Variants in ASZ1 observed in about 807,000 individuals in gnomAD.
ASZ1 encodes ankyrin repeat, SAM and basic leucine zipper domain containing 1.
A neutral mutation model predicts 61.8 loss-of-function variants in ASZ1; 67 were observed. The ratio of observed to expected loss-of-function variants is 1.08; its 90% CI spans 0.89 to 1.33. The LOEUF is 1.33. ASZ1 is among the 40% of genes most tolerant of loss of function. The pLI, the probability that ASZ1 is intolerant of heterozygous loss-of-function variation, is 0.00. For synonymous variants in ASZ1, 193 were observed against 192.7 expected (o/e 1.00, Z -0.01); for missense variants, 577 against 554.5 (o/e 1.04, Z -0.41).
At chr7:117,420,329 G>A in intron 3 of ASZ1, 55 bp from the exon 4 acceptor site, 8 of 1,283,250 alleles carry the variant, frequency 6.2e-6, no homozygotes, top group East Asian at 2.3e-5. Context: ...GCATCTATTC[G>A]ATGTCTTTAC....
At chr7:117,426,975 ATT>A in intron 1 of ASZ1, 40 bp from the exon 2 acceptor site, 1 of 1,544,182 alleles carries the variant, frequency 6.5e-7, no homozygotes, top group East Asian at 2.3e-5. Context: ...TGTTATATAT[ATT>A]TTTGTTTCCA....
chr7:117,420,967 A>G (rs6947134), intron 3 of ASZ1, among the ~76,000 whole-genome samples: 9,868 of 152,246 alleles, frequency 0.065, 417 homozygotes, highest in Non-Finnish European at 0.1. Flanking sequence ...AACTCTTGTG[A>G]TATCTTAATA....
intron 1 of ASZ1, 59 bp downstream of exon 1, chr7:117,427,297 C>A (rs1797241642): frequency 6.4e-7 from 1 of 1,570,788 alleles, no homozygotes; most frequent in East Asian, 2.2e-5. Flanking sequence ...TGGGCCTCGC[C>A]TTCGAGGGCC....
intron 9 of ASZ1, 111 bp downstream of exon 9, chr7:117,380,897 TAGA>T: frequency 2.2e-6 from 2 of 904,846 alleles, no homozygotes; most frequent in Non-Finnish European, 3.5e-6. Context: ...AAGGACACAG[TAGA>T]AGATCAATCT....
rs1004795019 is a variant in ASZ1, at chr7:117,425,255, A to ATTTTT, written c.205+1580_205+1581insAAAAA. Among the ~76,000 whole-genome samples, 20 of 86,682 alleles carry ATTTTT rather than the reference A, an allele frequency of 2.3e-4. 1 individual carries two copies. The highest frequency in any genetic ancestry group is 5.5e-4 in the African/African-American group (14 of 25,566). 56.9% of individuals were successfully genotyped at this position (86,682 alleles called of 152,430 possible). ...TAAATGCTTGTTATTCCTTTGAGTA[A>ATTTTT]TTTCTTTTTTTTTTTTTTTTTTTTT... On this transcript the variant is annotated intron_variant, in intron 2 of 12. Transcript: ENST00000284629.
chr7:117,363,416 T>C lies in ASZ1; in HGVS notation c.*180A>G. 1 of 425,482 alleles carries C rather than the reference T, an allele frequency of 2.4e-6. No individual in the cohort carries two copies. Among genetic ancestry groups the C allele is most frequent in the Non-Finnish European group, 3.9e-6 (1 of 253,922 alleles). 26.4% of individuals were successfully genotyped at this position (425,482 alleles called of 1,614,324 possible). A position where few individuals can be genotyped will look rare whatever the true frequency, so the allele number is the denominator to read the frequency against. The stretch of plus-strand genomic sequence containing the variant: ...TCACAATTAACATAAACATAACAAA[T>C]TGTATTTATAAGTCAAAGTAACAAA... On this transcript the variant is annotated 3_prime_UTR_variant, in exon 13 of 13. Coordinates refer to ENST00000284629, the MANE Select transcript of ASZ1 (RefSeq NM_130768.3).
intron 10 of ASZ1, 81 bp from the exon 11 acceptor site, chr7:117,368,798 A>G (rs1795993519): frequency 5.7e-6 from 9 of 1,581,338 alleles, no homozygotes; most frequent in South Asian, 3.5e-5. Context: ...GTTACTGAAA[A>G]TCTAGTCATA....
At chr7:117,376,773 C>T (rs138181574) in intron 10 of ASZ1, among the ~76,000 whole-genome samples, 90 of 152,114 alleles carry the variant, frequency 5.9e-4, no homozygotes, top group African/African-American at 2.0e-3. Flanking sequence ...AAATGAATAG[C>T]GCATAACTTC....
chr7:117,420,186 AT>A lies in ASZ1; in HGVS notation c.416del (p.Asn139MetfsTer12), dbSNP rs1489366064. On this transcript the variant is annotated frameshift_variant, in exon 4 of 13. Transcript: ENST00000284629. LOFTEE classifies it high-confidence loss of function. The stretch of plus-strand genomic sequence containing the variant: ...ACCTACAAGCAACATTTGGATCAGC[AT>A]TTCTTGAAAGTAGTAGTTCTACACA... ...LKCVELLLSR[N>X]ADPNVACRRL... 44 of 1,611,254 alleles carry A rather than the reference AT, an allele frequency of 2.7e-5. No individual in the cohort carries two copies. Among genetic ancestry groups the A allele is most frequent in the Non-Finnish European group, 3.6e-5 (42 of 1,179,066 alleles).
intron 10 of ASZ1, among the ~76,000 whole-genome samples, chr7:117,373,979 C>A (rs914921357): frequency 1.1e-4 from 16 of 152,078 alleles, no homozygotes; most frequent in African/African-American, 3.9e-4. Context: ...CAAGTGAAAT[C>A]CTTCACAATG....
In ASZ1 at chr7:117,363,735, C is replaced by A. The variant is rs773227300; in HGVS notation, c.1289G>T (p.Arg430Leu). The change falls in exon 13 of 13, where the codon CGG (arginine) becomes CTG (leucine). Residue 430 changes from arginine to leucine, a missense_variant. Physicochemically the swap from Arg to Leu is moderately radical, Grantham distance 102 (BLOSUM62 -2). Transcript: ENST00000284629. The part of the protein sequence containing the change: ...KDLIQKLQNE[R>L]ENDPTHIQLR... Reference sequence around the variant, plus strand: ...TTGTATATGAGTTGGATCATTTTCCCGTTCATTTTGCAACTAATATTTAGT... The same window carrying A: ...TTGTATATGAGTTGGATCATTTTCCAGTTCATTTTGCAACTAATATTTAGT... 2 of 1,568,736 alleles carry A rather than the reference C, an allele frequency of 1.3e-6. No homozygotes were observed. Among genetic ancestry groups the A allele is most frequent in the Non-Finnish European group, 1.7e-6 (2 of 1,158,446 alleles).
intron 8 of ASZ1, among the ~76,000 whole-genome samples, chr7:117,381,323 T>C (rs1796246855): frequency 6.6e-6 from 1 of 152,104 alleles, no homozygotes; most frequent in Non-Finnish European, 1.5e-5. Flanking sequence ...TTTGCTTACA[T>C]TAAAAGAAAA....
chr7:117,370,622 G>T (rs1043358550), intron 10 of ASZ1, among the ~76,000 whole-genome samples: 3 of 151,996 alleles, frequency 2.0e-5, no homozygotes, highest in Non-Finnish European at 4.4e-5. Flanking sequence ...AATTTGAATG[G>T]ATAACAAATA....
rs190083862 is a variant in ASZ1, at chr7:117,419,069, G to A, written c.440+1094C>T. Among the ~76,000 whole-genome samples, 651 of 151,956 alleles carry A rather than the reference G, an allele frequency of 4.3e-3. 5 individuals carry two copies. Among genetic ancestry groups the A allele is most frequent in the Non-Finnish European group, 5.4e-3 (366 of 67,950 alleles). Reference sequence around the variant, plus strand: ...CTTGGCCCTTCTCACACTAGATCAGGGTTTCTCAACCATGGCACTACTGAC... The same window carrying A: ...CTTGGCCCTTCTCACACTAGATCAGAGTTTCTCAACCATGGCACTACTGAC... On this transcript the variant is annotated intron_variant, in intron 4 of 12. Coordinates refer to ENST00000284629, the MANE Select transcript of ASZ1 (RefSeq NM_130768.3).
chr7:117,418,430 G>A (rs377596773), intron 4 of ASZ1, among the ~76,000 whole-genome samples: 10 of 152,004 alleles, frequency 6.6e-5, no homozygotes, highest in African/African-American at 1.7e-4. Context: ...CAAAGTGGGC[G>A]GATCATGAGG....
chr7:117,387,142 CT>C (rs1183927199), intron 4 of ASZ1, among the ~76,000 whole-genome samples: 2 of 111,014 alleles, frequency 1.8e-5, no homozygotes, highest in African/African-American at 9.0e-5. Context: ...TCTACCTCTA[CT>C]TAAAAAAAAA....
chr7:117,406,221 C>T (rs1335233373), intron 4 of ASZ1, among the ~76,000 whole-genome samples: 1 of 152,002 alleles, frequency 6.6e-6, no homozygotes, highest in Non-Finnish European at 1.5e-5. Flanking sequence ...AAATAACTTT[C>T]AAAAATGAAA....
At position 117,386,455 on chromosome 7, in the gene ASZ1, G is replaced by A. The variant is rs538581400; in HGVS notation, c.441-646C>T. 1.6e-4 allele frequency among the ~76,000 whole-genome samples: 24 copies of A among 152,224 alleles called. No individual in the cohort carries two copies. In the East Asian group the frequency reaches 4.1e-3, roughly 26 times the overall value. ...TGTAGTTTATCATTTCCCAAAATTAGAGATTCAATCCTTCTACTCCTGGAA... is the reference window on the plus strand; with the variant it reads ...TGTAGTTTATCATTTCCCAAAATTAAAGATTCAATCCTTCTACTCCTGGAA... On this transcript the variant is annotated intron_variant, in intron 4 of 12. Coordinates refer to ENST00000284629, the MANE Select transcript of ASZ1 (RefSeq NM_130768.3).
At chr7:117,369,143 G>T (rs1225334188) in intron 10 of ASZ1, among the ~76,000 whole-genome samples, 1 of 152,102 alleles carries the variant, frequency 6.6e-6, no homozygotes, top group African/African-American at 2.4e-5. Flanking sequence ...AATGAATTTA[G>T]TATCACATGA....
Sources: gnomAD v4.1 joint callset for allele counts (sites outside exome capture counted in the v4.1 genomes callset) on GRCh38, gnomAD v4.1.1 for gene constraint, MANE v1.5 for transcripts, NCBI Gene and HGNC (gene_info 2026-07-23, HGNC 2026-07-21) for gene names.